Variants in TMPRSS11B observed in about 807,000 individuals in gnomAD.
TMPRSS11B encodes the protein transmembrane protease serine 11B.
A neutral mutation model predicts 44.7 loss-of-function variants in TMPRSS11B; 53 were observed. The observed-to-expected ratio is 1.19, with a 90% CI of 0.95 to 1.49. TMPRSS11B has a LOEUF of 1.49. TMPRSS11B is among the 40% of genes most tolerant of loss of function. The probability of loss-of-function intolerance (pLI) is 0.00; values close to 1 mark genes in which losing one functional copy is unlikely to be tolerated. For synonymous variants in TMPRSS11B, 140 were observed against 159.2 expected, an observed-to-expected ratio of 0.88 and a Z score of 0.91; for missense variants, 526 against 494.8, an observed-to-expected ratio of 1.06 and a Z score of -0.60.
chr4:68,242,337 T>TA (rs368170663), intron 1 of TMPRSS11B, among the ~76,000 whole-genome samples: 28 of 31,924 alleles, frequency 8.8e-4, no homozygotes, highest in Non-Finnish European at 1.2e-3. Flanking sequence ...TATTATATTA[T>TA]ATATATATTA....
At chr4:68,235,917 T>C (rs771808758) in intron 4 of TMPRSS11B, 85 bp downstream of exon 4, 18 of 665,868 alleles carry the variant, frequency 2.7e-5, no homozygotes, top group Non-Finnish European at 4.0e-5. Context: ...TGTTTGTTTT[T>C]TGTTGTTATT....
intron 5 of TMPRSS11B, among the ~76,000 whole-genome samples, chr4:68,232,637 A>AT (rs1301252019): frequency 6.6e-6 from 1 of 152,234 alleles, no homozygotes; most frequent in Non-Finnish European, 1.5e-5. Context: ...AGAAAAGGGA[A>AT]TAAAAAACAA....
chr4:68,238,666 G>T (rs1228672552), intron 2 of TMPRSS11B, among the ~76,000 whole-genome samples: 1 of 152,002 alleles, frequency 6.6e-6, no homozygotes, highest in Non-Finnish European at 1.5e-5. Flanking sequence ...GGCAGAGGTT[G>T]CAGTTTGCTG....
chr4:68,241,063 C>A (rs1356203595), intron 2 of TMPRSS11B, among the ~76,000 whole-genome samples: 5 of 152,016 alleles, frequency 3.3e-5, no homozygotes, highest in Admixed American at 1.3e-4. Flanking sequence ...ATCCCTAGCT[C>A]ACAGGATTAT....
intron 2 of TMPRSS11B, among the ~76,000 whole-genome samples, chr4:68,239,982 T>A (rs571768111): frequency 5.3e-5 from 8 of 152,342 alleles, no homozygotes; most frequent in African/African-American, 1.9e-4. Flanking sequence ...AGTAAAACGG[T>A]TGAGAAAGAG....
chr4:68,228,188 T>TTTTTCCTCATTGTC, intron 9 of TMPRSS11B, 116 bp from the exon 10 acceptor site: 2 of 963,978 alleles, frequency 2.1e-6, no homozygotes, highest in Non-Finnish European at 2.9e-6. Flanking sequence ...TCTTTGGGCT[T>TTTTTCCTCATTGTC]AGAACTCTGA....
chr4:68,237,656 C>T (rs1719709102), intron 2 of TMPRSS11B, among the ~76,000 whole-genome samples: 1 of 152,098 alleles, frequency 6.6e-6, no homozygotes, highest in African/African-American at 2.4e-5. Context: ...TTTTCCTTTC[C>T]CCAAATATAA....
chr4:68,229,494 T>C lies in TMPRSS11B; in HGVS notation c.709A>G (p.Thr237Ala), dbSNP rs753657846. The C allele has an allele frequency of 1.9e-6, 3 of 1,612,454 alleles. No homozygotes were observed. The South Asian group carries it at 3.3e-5, about 18-fold the overall frequency. The change falls in exon 8 of 10, where the codon ACT becomes GCT. Residue 237 changes from threonine (T) to alanine (A), a missense_variant. Coordinates refer to ENST00000332644, the MANE Select transcript of TMPRSS11B (RefSeq NM_182502.3). Reference protein sequence around the residue: ...FAKKNNSKDWTVNFGIVVNKP... With the variant: ...FAKKNNSKDWAVNFGIVVNKP... ...TTTACTACAATTCCAAAGTTGACAG[T>C]CCAATCTTTTGAATTATTTTTCCTA...
chr4:68,236,100 A>T, intron 3 of TMPRSS11B, 31 bp from the exon 4 acceptor site: 1 of 1,569,614 alleles, frequency 6.4e-7, no homozygotes, highest in Non-Finnish European at 8.7e-7. Flanking sequence ...GTCATCATGT[A>T]TGTTTCAATC....
At chr4:68,232,181 A>C (rs910952260) in intron 6 of TMPRSS11B, 197 bp downstream of exon 6, 3 of 360,180 alleles carry the variant, frequency 8.3e-6, no homozygotes, top group Admixed American at 4.7e-5. Context: ...CTTTTTATAT[A>C]TTTTTTAATA....
Position 68,236,143 on chromosome 4 carries a change from T to C in TMPRSS11B, c.240+8A>G, listed in dbSNP as rs753997806. 3 of 1,582,298 alleles carry C rather than the reference T, an allele frequency of 1.9e-6. No homozygotes were observed. The highest frequency in any genetic ancestry group is 2.4e-5 in the South Asian group (2 of 84,600). ...TAATAAAATTAATTTTAAAAATCTCTGATTTACCTTAGTCTCAATATCTTT... is the reference window on the plus strand; with the variant it reads ...TAATAAAATTAATTTTAAAAATCTCCGATTTACCTTAGTCTCAATATCTTT... On this transcript the variant is annotated splice_region_variant and intron_variant, in intron 3 of 9. Coordinates refer to ENST00000332644, the MANE Select transcript of TMPRSS11B (RefSeq NM_182502.3).
Position 68,231,183 on chromosome 4 carries a change from A to G in TMPRSS11B, c.686+20T>C, listed in dbSNP as rs1226058796. On this transcript the variant is annotated intron_variant, in intron 7 of 9. Transcript: ENST00000332644. ...GTTTTGCACCTAGCATCCTTCATTTAGTCAAATTTTCAAACTTACTTAGCA... is the reference window on the plus strand; with the variant it reads ...GTTTTGCACCTAGCATCCTTCATTTGGTCAAATTTTCAAACTTACTTAGCA... 6.3e-7 allele frequency: 1 copy of G among 1,590,428 alleles called. No individual in the cohort carries two copies. Among genetic ancestry groups the G allele is most frequent in the Non-Finnish European group, 8.6e-7 (1 of 1,167,650 alleles).
Position 68,241,802 on chromosome 4 carries a change from T to C in TMPRSS11B, c.11A>G (p.His4Arg). The change falls in exon 2 of 10, where the codon CAC (histidine) becomes CGC (arginine). Residue 4 changes from histidine (H) to arginine (R), a missense_variant and splice_region_variant. By Grantham distance (29) the His-to-Arg change is conservative. Transcript: ENST00000332644. MYR[H>R]GISSQRSWPL... ...CCAAGATCTTTGGGAAGATATGCCGTGCCTATGAAAGAGGAAAATTTTGGT... is the reference window on the plus strand; with the variant it reads ...CCAAGATCTTTGGGAAGATATGCCGCGCCTATGAAAGAGGAAAATTTTGGT... The C allele has an allele frequency of 1.9e-6, 3 of 1,610,552 alleles. No homozygotes were observed. Among genetic ancestry groups the C allele is most frequent in the Non-Finnish European group, 2.5e-6 (3 of 1,177,306 alleles).
In TMPRSS11B at chr4:68,227,375, A is replaced by G. The variant is rs573609837; in HGVS notation, c.*536T>C. On this transcript the variant is annotated 3_prime_UTR_variant, in exon 10 of 10. Transcript: ENST00000332644. ...CACAACTCAGCTATTAAGAAAAATT[A>G]TATATTAGCCTTCTTTATTTTCTTC... 1.4e-5 allele frequency: 2 copies of G among 146,760 alleles called. No homozygotes were observed. The highest frequency in any genetic ancestry group is 6.8e-5 in the Admixed American group (1 of 14,744). 9.1% of individuals were successfully genotyped at this position (146,760 alleles called of 1,614,324 possible). A position where few individuals can be genotyped will look rare whatever the true frequency, so the allele number is the denominator to read the frequency against.
At position 68,234,538 on chromosome 4, in the gene TMPRSS11B, T is replaced by G; in HGVS notation, c.394A>C (p.Lys132Gln). The change falls in exon 5 of 10, where the codon AAG becomes CAG. Residue 132 changes from lysine to glutamine, a missense_variant. Coordinates refer to ENST00000332644, the MANE Select transcript of TMPRSS11B (RefSeq NM_182502.3). ...AEGVSMRTKI[K>Q]AKLHQMLKNN... ...TTCAACATCTGATGTAATTTAGCCT[T>G]GATTTTAGTCCTCATGCTAACTCCT... 1 of 1,614,024 alleles carries G rather than the reference T, an allele frequency of 6.2e-7. No homozygotes were observed. Among genetic ancestry groups the G allele is most frequent in the Middle Eastern group, 1.7e-4 (1 of 6,058 alleles).
chr4:68,227,883 T>C lies in TMPRSS11B; in HGVS notation c.*28A>G, dbSNP rs1473896275. 1 of 1,560,580 alleles carries C rather than the reference T, an allele frequency of 6.4e-7. No homozygotes were observed. The highest frequency in any genetic ancestry group is 8.6e-7 in the Non-Finnish European group (1 of 1,156,944). ...GATAAGGATAGCCTACAGTGGTCTT[T>C]ATGTTCCTTTGTATAATTCCTTTTT... On this transcript the variant is annotated 3_prime_UTR_variant, in exon 10 of 10. Transcript: ENST00000332644.
In TMPRSS11B at chr4:68,234,597, TG is replaced by T; in HGVS notation, c.334del (p.Gln112SerfsTer4). On this transcript the variant is annotated frameshift_variant, in exon 5 of 10. Coordinates refer to ENST00000332644, the MANE Select transcript of TMPRSS11B (RefSeq NM_182502.3). LOFTEE classifies it high-confidence loss of function. ...LLPNANGSNVQLQLKFKFPPA... is the reference protein window; with the variant it reads ...LLPNANGSNVXLQLKFKFPPA... ...AGGAAACTTGAATTTCAGCTGTAAC[TG>T]CACATTTGAACCATTGGCATTAGGC... The T allele has an allele frequency of 6.2e-7, 1 of 1,613,936 alleles. No individual in the cohort carries two copies. Among genetic ancestry groups the T allele is most frequent in the Non-Finnish European group, 8.5e-7 (1 of 1,179,926 alleles).
chr4:68,243,145 A>G (rs1255170087), intron 1 of TMPRSS11B, among the ~76,000 whole-genome samples: 1 of 152,202 alleles, frequency 6.6e-6, no homozygotes, highest in East Asian at 1.9e-4. Flanking sequence ...TAACATAAAC[A>G]TTCATGATTT....
intron 2 of TMPRSS11B, among the ~76,000 whole-genome samples, chr4:68,238,560 T>A (rs1240042168): frequency 3.5e-5 from 5 of 142,046 alleles, no homozygotes; most frequent in Non-Finnish European, 3.0e-5. Flanking sequence ...CCATCTCTAC[T>A]AAAAAAAAAA....
Sources: allele counts gnomAD v4.1 joint callset (sites outside exome capture counted in the v4.1 genomes callset), GRCh38; gene constraint gnomAD v4.1.1; transcripts MANE v1.5; gene names NCBI Gene and HGNC (gene_info 2026-07-23, HGNC 2026-07-21).